Variants in CSMD2 observed in about 807,000 individuals in gnomAD.
The protein encoded by CSMD2 is CUB and Sushi multiple domains 2.
In CSMD2, 130 loss-of-function variants were observed where a neutral mutation model predicts 398.5. That is an observed-to-expected ratio of 0.33 (90% confidence interval 0.28 to 0.38). CSMD2 has a LOEUF of 0.38. Ranked by LOEUF, CSMD2 falls within the 10% of genes least tolerant of loss-of-function variation. CSMD2 has a pLI of 1.00. For missense variants in CSMD2, 3,829 were observed against 4,764.9 expected, an observed-to-expected ratio of 0.80 and a Z score of 5.78; for synonymous variants, 1,828 against 1,908.5, an observed-to-expected ratio of 0.96 and a Z score of 1.10.
At chr1:33,621,330 C>T (rs374459332) in intron 37 of CSMD2, among the ~76,000 whole-genome samples, 4 of 152,146 alleles carry the variant, frequency 2.6e-5, no homozygotes, top group Non-Finnish European at 4.4e-5. Context: ...CATCTCCACC[C>T]GCCCACAACC....
intron 3 of CSMD2, among the ~76,000 whole-genome samples, chr1:33,977,945 G>A (rs1012302566): frequency 4.0e-5 from 6 of 151,202 alleles, no homozygotes; most frequent in African/African-American, 1.5e-4. Context: ...GGGCTGACAC[G>A]ATTCACAATG....
intron 47 of CSMD2, 65 bp downstream of exon 47, chr1:33,583,577 C>T: frequency 6.6e-7 from 1 of 1,513,320 alleles, no homozygotes; most frequent in South Asian, 1.2e-5. Flanking sequence ...GCACAGACTC[C>T]TCGGGTTCTG....
intron 3 of CSMD2, among the ~76,000 whole-genome samples, chr1:33,941,364 G>A (rs937773525): frequency 1.3e-5 from 2 of 152,142 alleles, no homozygotes; most frequent in Non-Finnish European, 2.9e-5. Flanking sequence ...CTCTGGACAA[G>A]CACCCTCCAT....
At chr1:34,090,169 GCA>G (rs943682291) in intron 1 of CSMD2, among the ~76,000 whole-genome samples, 1 of 152,188 alleles carries the variant, frequency 6.6e-6, no homozygotes, top group African/African-American at 2.4e-5. Context: ...ACCTCACTGT[GCA>G]CACGCATCAC....
Position 33,783,287 on chromosome 1 carries a change from T to C in CSMD2, c.1663+5313A>G, listed in dbSNP as rs143543188. Among the ~76,000 whole-genome samples the C allele has an allele frequency of 4.1e-3, 619 of 152,250 alleles. 7 individuals are homozygous for C. The highest frequency in any genetic ancestry group is 0.013 in the African/African-American group (556 of 41,544). ...CCCCCAACTCCCCCAAATTCCTGTA[T>C]TGAGGCTCTTAGCCCCCAGTGTGAC... On this transcript the variant is annotated intron_variant, in intron 12 of 70. Coordinates refer to ENST00000373381, the MANE Select transcript of CSMD2 (RefSeq NM_001281956.2).
intron 5 of CSMD2, chr1:33,868,828 T>C (rs561607384): frequency 2.0e-5 from 3 of 152,046 alleles, no homozygotes; most frequent in Non-Finnish European, 4.4e-5. Flanking sequence ...ACGTGGGTAA[T>C]GAGATAAATG....
At chr1:33,951,247 T>C (rs1335459074) in intron 3 of CSMD2, among the ~76,000 whole-genome samples, 4 of 152,194 alleles carry the variant, frequency 2.6e-5, no homozygotes, top group African/African-American at 7.2e-5. Flanking sequence ...GTTAGGGACA[T>C]TGCACTCCAT....
chr1:33,664,643 A>G (rs1055031717), intron 25 of CSMD2, among the ~76,000 whole-genome samples: 16 of 152,024 alleles, frequency 1.1e-4, no homozygotes, highest in Non-Finnish European at 1.9e-4. Flanking sequence ...CTTTACTAAA[A>G]ATACAAAAAA....
At chr1:33,848,392 A>T (rs968964405) in intron 5 of CSMD2, among the ~76,000 whole-genome samples, 1 of 152,080 alleles carries the variant, frequency 6.6e-6, no homozygotes, top group Non-Finnish European at 1.5e-5. Flanking sequence ...CGCAGAACTC[A>T]CTCTCTTCCT....
chr1:34,094,177 G>T (rs1312212081), intron 1 of CSMD2, among the ~76,000 whole-genome samples: 1 of 151,498 alleles, frequency 6.6e-6, no homozygotes, highest in African/African-American at 2.4e-5. Context: ...AAGTGAAGGA[G>T]AAATAAAATA....
rs1356764041 is a variant in CSMD2 at position 34,164,146 on chromosome 1, G to T, written c.187+765C>A. On this transcript the variant is annotated intron_variant, in intron 1 of 70. Coordinates refer to ENST00000373381, the MANE Select transcript of CSMD2 (RefSeq NM_001281956.2). The surrounding 1 kb of genome is among the most constrained non-coding windows in gnomAD (Gnocchi z 6.2). Reference sequence around the variant, plus strand: ...GGCACTTTGGCGCGGAGTGAGCACCGAGGGGAATGTGGCAGCGCGAAGCCT... The same window carrying T: ...GGCACTTTGGCGCGGAGTGAGCACCTAGGGGAATGTGGCAGCGCGAAGCCT... 6.6e-6 allele frequency among the ~76,000 whole-genome samples: 1 copy of T among 152,100 alleles called. No individual in the cohort carries two copies. The highest frequency in any genetic ancestry group is 2.4e-5 in the African/African-American group (1 of 41,416).
intron 3 of CSMD2, among the ~76,000 whole-genome samples, chr1:34,030,770 A>G (rs1007538141): frequency 6.6e-6 from 1 of 152,188 alleles, no homozygotes; most frequent in African/African-American, 2.4e-5. Flanking sequence ...GGACTGAGAA[A>G]TGAGGGCACC....
At chr1:33,654,980 G>C (rs1310457499) in intron 27 of CSMD2, among the ~76,000 whole-genome samples, 1 of 152,262 alleles carries the variant, frequency 6.6e-6, no homozygotes, top group Non-Finnish European at 1.5e-5. Flanking sequence ...TAGTTCCATG[G>C]CATCGGGCAT....
chr1:33,621,349 C>G (rs1453186680), intron 37 of CSMD2, among the ~76,000 whole-genome samples: 8 of 152,136 alleles, frequency 5.3e-5, no homozygotes, highest in African/African-American at 1.7e-4. Flanking sequence ...CCATTCTCTC[C>G]CTTGAACCAT....
intron 25 of CSMD2, among the ~76,000 whole-genome samples, chr1:33,665,460 CTTTTTTTTT>C (rs745495781): frequency 1.2e-4 from 9 of 73,928 alleles, no homozygotes; most frequent in Admixed American, 5.0e-4. Flanking sequence ...TTTCTTCTCT[CTTTTTTTTT>C]TTTTTTTTTT....
intron 2 of CSMD2, among the ~76,000 whole-genome samples, chr1:34,048,346 CAGG>C (rs1652786394): frequency 6.6e-6 from 1 of 152,206 alleles, no homozygotes; most frequent in Admixed American, 6.5e-5. Context: ...TGGACCACCC[CAGG>C]AGGTTTGATG....
intron 4 of CSMD2, among the ~76,000 whole-genome samples, chr1:33,935,013 T>TAAAAAAAAAAAAAAAA (rs537683892): frequency 2.1e-4 from 9 of 42,196 alleles, no homozygotes; most frequent in African/African-American, 4.5e-4. Context: ...CAAATAAAAT[T>TAAAAAAAAAAAAAAAA]AAAAAAAAAA....
intron 1 of CSMD2, among the ~76,000 whole-genome samples, chr1:34,100,125 A>T (rs1339928023): frequency 2.0e-5 from 3 of 152,226 alleles, no homozygotes; most frequent in Admixed American, 2.0e-4. Context: ...CTGGTGAGAT[A>T]ACACCATATG....
intron 26 of CSMD2, among the ~76,000 whole-genome samples, chr1:33,662,005 A>G (rs1186234108): frequency 6.7e-6 from 1 of 150,280 alleles, no homozygotes; most frequent in African/African-American, 2.4e-5. Flanking sequence ...AAACACGAGC[A>G]GAAACCGAAG....
Sources: allele counts gnomAD v4.1 joint callset (sites outside exome capture counted in the v4.1 genomes callset), GRCh38; gene constraint gnomAD v4.1.1; non-coding constraint Gnocchi (gnomAD v3.1); transcripts MANE v1.5; gene names NCBI Gene and HGNC (gene_info 2026-07-23, HGNC 2026-07-21).